The following SLAIN2 variants were observed in gnomAD, a reference collection of about 807,000 sequenced individuals.
SLAIN2 encodes the protein SLAIN family member 2.
A neutral mutation model predicts 56.6 loss-of-function variants in SLAIN2; 31 were observed. The observed-to-expected ratio is 0.55, with a 90% CI of 0.41 to 0.74. SLAIN2 has a LOEUF of 0.74. Among genes scored for constraint, SLAIN2 ranks in the 30% least tolerant of loss-of-function variants. The pLI is 0.00. For synonymous variants in SLAIN2, 317 were observed against 284.9 expected, an observed-to-expected ratio of 1.11 and a Z score of -1.13; for missense variants, 777 against 754.2, an observed-to-expected ratio of 1.03 and a Z score of -0.35.
chr4:48,368,050 G>GATTTTTTTTT (rs1466698335), intron 1 of SLAIN2, among the ~76,000 whole-genome samples: 1 of 28,534 alleles, frequency 3.5e-5, no homozygotes, highest in Non-Finnish European at 5.6e-5. Flanking sequence ...TGTTTTTGAG[G>GATTTTTTTTT]CTTTTTTTTT....
intron 2 of SLAIN2, among the ~76,000 whole-genome samples, chr4:48,376,245 G>A (rs545049755): frequency 6.6e-6 from 1 of 152,250 alleles, no homozygotes; most frequent in South Asian, 2.1e-4. Context: ...TCTGAGCTCA[G>A]GATTTCGAAA....
intron 1 of SLAIN2, among the ~76,000 whole-genome samples, chr4:48,343,635 A>T (rs1325445048): frequency 6.6e-6 from 1 of 152,202 alleles, no homozygotes; most frequent in Admixed American, 6.5e-5. Flanking sequence ...GTTGGGCCAG[A>T]CTTTGAGGAG....
At chr4:48,410,508 C>T (rs1716815815) in intron 6 of SLAIN2, among the ~76,000 whole-genome samples, 1 of 152,014 alleles carries the variant, frequency 6.6e-6, no homozygotes. Context: ...AGTGCCTAAC[C>T]CTAGTCATTA....
rs369656119 is a variant in SLAIN2 at position 48,354,434 on chromosome 4, T to TGA, written c.389+12315_389+12316dup. On this transcript the variant is annotated intron_variant, in intron 1 of 7. Coordinates refer to ENST00000264313, the MANE Select transcript of SLAIN2 (RefSeq NM_020846.2). ...GGGCTATAATTTGATTACTGTCACT[T>TGA]GAGAGAGAGATCCTCGTTAATTGTT... Among the ~76,000 whole-genome samples, 258 of 151,918 alleles carry TGA rather than the reference T, an allele frequency of 1.7e-3. 1 individual carries two copies. Among genetic ancestry groups the TGA allele is most frequent in the African/African-American group, 5.4e-3 (225 of 41,428 alleles).
chr4:48,406,256 C>A (rs914938288), intron 6 of SLAIN2, among the ~76,000 whole-genome samples: 1 of 152,016 alleles, frequency 6.6e-6, no homozygotes, highest in African/African-American at 2.4e-5. Context: ...GTTTCCAGGT[C>A]TTTTTAGTTA....
intron 6 of SLAIN2, among the ~76,000 whole-genome samples, chr4:48,406,588 A>G (rs1479809539): frequency 5.7e-5 from 7 of 123,282 alleles, no homozygotes; most frequent in Non-Finnish European, 1.2e-4. Context: ...GTTACATACT[A>G]TTTTCTCCTT....
chr4:48,399,327 T>C (rs1372610715), intron 6 of SLAIN2, among the ~76,000 whole-genome samples: 2 of 152,192 alleles, frequency 1.3e-5, no homozygotes, highest in African/African-American at 2.4e-5. Context: ...TGTATAGGAA[T>C]GCTAGTGATT....
rs377508082 is a variant in SLAIN2 at position 48,379,791 on chromosome 4, A to G, written c.805A>G (p.Asn269Asp). 21 of 1,599,128 alleles carry G rather than the reference A, an allele frequency of 1.3e-5. No homozygotes were observed. Among genetic ancestry groups the G allele is most frequent in the Non-Finnish European group, 1.8e-5 (21 of 1,173,734 alleles). Residue 269 changes from asparagine (N) to aspartate (D), a missense_variant, in exon 4 of 8, where the codon AAT becomes GAT. Physicochemically the swap from Asn to Asp is conservative, Grantham distance 23. Transcript: ENST00000264313. ...SELDEDSIGS[N>D]YKLNDVTDVQ... ...ATTAGATGAAGATTCAATTGGATCCAATTATAAGCTAAATGATGTAACTGA... is the reference window on the plus strand; with the variant it reads ...ATTAGATGAAGATTCAATTGGATCCGATTATAAGCTAAATGATGTAACTGA...
intron 1 of SLAIN2, among the ~76,000 whole-genome samples, chr4:48,346,801 C>G (rs1714878610): frequency 1.4e-5 from 2 of 147,376 alleles, no homozygotes; most frequent in Admixed American, 1.3e-4. Context: ...TTAGATGAAT[C>G]AGAAGTTAGA....
At chr4:48,345,623 C>T (rs1027401938) in intron 1 of SLAIN2, among the ~76,000 whole-genome samples, 1 of 151,908 alleles carries the variant, frequency 6.6e-6, no homozygotes, top group Non-Finnish European at 1.5e-5. Flanking sequence ...GTCTTCCTAA[C>T]CTAGTTTTTG....
At chr4:48,365,364 G>A (rs1184292231) in intron 1 of SLAIN2, among the ~76,000 whole-genome samples, 2 of 149,498 alleles carry the variant, frequency 1.3e-5, no homozygotes, top group Non-Finnish European at 3.0e-5. Context: ...TAGCTACTCG[G>A]GAGGCTGAGG....
At chr4:48,353,321 A>G (rs571704310) in intron 1 of SLAIN2, among the ~76,000 whole-genome samples, 4 of 152,154 alleles carry the variant, frequency 2.6e-5, no homozygotes, top group Non-Finnish European at 5.9e-5. Context: ...TAATCATCAG[A>G]CATTTATTGA....
At position 48,341,667 on chromosome 4, in the gene SLAIN2, C is replaced by T. The variant is rs1714701915; in HGVS notation, c.-73C>T. On this transcript the variant is annotated 5_prime_UTR_variant, in exon 1 of 8. Coordinates refer to ENST00000264313, the MANE Select transcript of SLAIN2 (RefSeq NM_020846.2). ...GCTAGAGTGAGCGGCGGCGACGCCT[C>T]TTTCCTCCGTCTCTTTCCCTGTCGC... 6.7e-7 allele frequency: 1 copy of T among 1,492,206 alleles called. No individual in the cohort carries two copies. The highest frequency in any genetic ancestry group is 8.9e-7 in the Non-Finnish European group (1 of 1,120,768). The allele number at this position is 1,492,206 out of a possible 1,614,324, so 92.4% of individuals were successfully genotyped here.
At chr4:48,367,253 C>T (rs1473547585) in intron 1 of SLAIN2, among the ~76,000 whole-genome samples, 5 of 152,176 alleles carry the variant, frequency 3.3e-5, no homozygotes, top group South Asian at 2.1e-4. Context: ...CAATATCATA[C>T]GGGCCAACGC....
intron 5 of SLAIN2, 39 bp downstream of exon 5, chr4:48,382,966 G>T: frequency 6.6e-7 from 1 of 1,524,080 alleles, no homozygotes; most frequent in Non-Finnish European, 8.8e-7. Flanking sequence ...GACAGTTTCT[G>T]CTAGCCTGTG....
rs1294756846 is a variant in SLAIN2 at position 48,420,115 on chromosome 4, C to T, written c.1361-10C>T. ...CACTCAAAAATTGGTTTTTCTTTGC[C>T]ATCCCACAGTACCTTCTCCAGGCAA... is the stretch of plus-strand genomic sequence containing the variant. On this transcript the variant is annotated splice_polypyrimidine_tract_variant and intron_variant, in intron 6 of 7. Transcript: ENST00000264313. 1 of 1,610,948 alleles carries T rather than the reference C, an allele frequency of 6.2e-7. No homozygotes were observed. Among genetic ancestry groups the T allele is most frequent in the Admixed American group, 1.7e-5 (1 of 59,736 alleles).
At chr4:48,396,063 A>C (rs2109773152) in intron 6 of SLAIN2, among the ~76,000 whole-genome samples, 1 of 152,220 alleles carries the variant, frequency 6.6e-6, no homozygotes, top group Admixed American at 6.5e-5. Context: ...TAAAGATTTC[A>C]TGTTGCTGTG....
At position 48,383,643 on chromosome 4, in the gene SLAIN2, G is replaced by T; in HGVS notation, c.1223-4G>T. On this transcript the variant is annotated splice_region_variant and splice_polypyrimidine_tract_variant and intron_variant, in intron 5 of 7. Coordinates refer to ENST00000264313, the MANE Select transcript of SLAIN2 (RefSeq NM_020846.2). ...ATTTTTTTAAAATTAAAATTCTGTT[G>T]CAGAAAAACTAAGACGCAGTCTTCC... 6.6e-7 allele frequency: 1 copy of T among 1,516,754 alleles called. No homozygotes were observed. The highest frequency in any genetic ancestry group is 8.9e-7 in the Non-Finnish European group (1 of 1,124,528). The allele number at this position is 1,516,754 out of a possible 1,614,324, so 94.0% of individuals were successfully genotyped here. A position where few individuals can be genotyped will look rare whatever the true frequency, so the allele number is the denominator to read the frequency against.
At chr4:48,356,187 G>A (rs1170511307) in intron 1 of SLAIN2, among the ~76,000 whole-genome samples, 3 of 152,124 alleles carry the variant, frequency 2.0e-5, no homozygotes, top group Non-Finnish European at 4.4e-5. Flanking sequence ...GAACTAACAT[G>A]TTCTATGGGT....
Sources: gnomAD v4.1 joint callset for allele counts (sites outside exome capture counted in the v4.1 genomes callset) on GRCh38, gnomAD v4.1.1 for gene constraint, MANE v1.5 for transcripts, NCBI Gene and HGNC (gene_info 2026-07-23, HGNC 2026-07-21) for gene names.